Variants in NOS1AP observed in about 807,000 individuals in gnomAD.
The protein encoded by NOS1AP is carboxyl-terminal PDZ ligand of neuronal nitric oxide synthase protein.
In NOS1AP, 21 loss-of-function variants were observed where a neutral mutation model predicts 56.2. The ratio of observed to expected loss-of-function variants is 0.37; its 90% CI spans 0.26 to 0.54. The LOEUF (loss-of-function observed/expected upper bound fraction) is 0.54, where lower values mean the gene tolerates loss of function less well. Among genes scored for constraint, NOS1AP ranks in the 20% least tolerant of loss-of-function variants. The pLI, the probability that NOS1AP is intolerant of heterozygous loss-of-function variation, is 0.84. For missense variants in NOS1AP, 522 were observed against 657.8 expected (o/e 0.79, Z 2.26); for synonymous variants, 270 against 274.6 (o/e 0.98, Z 0.17).
intron 2 of NOS1AP, among the ~76,000 whole-genome samples, chr1:162,217,303 G>A (rs1396272152): frequency 7.6e-5 from 5 of 65,392 alleles, no homozygotes; most frequent in Admixed American, 2.1e-4. Flanking sequence ...TCACTCTATC[G>A]CCCAGGCTGG....
intron 8 of NOS1AP, among the ~76,000 whole-genome samples, chr1:162,357,783 G>A (rs1043926279): frequency 2.6e-5 from 4 of 151,920 alleles, no homozygotes; most frequent in South Asian, 2.1e-4. Flanking sequence ...AAACTTGTTC[G>A]GGGGCTGCTA....
At chr1:162,317,390 A>G (rs1023216223) in intron 4 of NOS1AP, 7 of 152,166 alleles carry the variant, frequency 4.6e-5, no homozygotes, top group African/African-American at 1.4e-4. Flanking sequence ...ACACACACCA[A>G]AGTTTTTTGT....
intron 2 of NOS1AP, among the ~76,000 whole-genome samples, chr1:162,187,044 A>G (rs1374392720): frequency 6.6e-6 from 1 of 151,920 alleles, no homozygotes; most frequent in Non-Finnish European, 1.5e-5. Flanking sequence ...TCGGCTCACT[A>G]CAGACTTGAC....
intron 4 of NOS1AP, among the ~76,000 whole-genome samples, chr1:162,325,649 T>C (rs538364826): frequency 2.2e-4 from 33 of 152,274 alleles, no homozygotes; most frequent in African/African-American, 7.7e-4. Context: ...CTCATTTATC[T>C]GGTCTTGAGC....
chr1:162,081,544 C>CTT (rs111534489), intron 1 of NOS1AP, among the ~76,000 whole-genome samples: 39 of 136,796 alleles, frequency 2.9e-4, no homozygotes, highest in African/African-American at 1.0e-3. Flanking sequence ...CCTTTCCCAG[C>CTT]TTTTTTTTTT....
At chr1:162,199,337 C>T (rs1310739963) in intron 2 of NOS1AP, among the ~76,000 whole-genome samples, 1 of 152,180 alleles carries the variant, frequency 6.6e-6, no homozygotes, top group Non-Finnish European at 1.5e-5. Flanking sequence ...CGGTTACGTC[C>T]TCACTGTTGT....
chr1:162,331,712 A>T (rs1360004564), intron 4 of NOS1AP, among the ~76,000 whole-genome samples: 3 of 152,218 alleles, frequency 2.0e-5, no homozygotes, highest in Non-Finnish European at 4.4e-5. Flanking sequence ...TGCAGAAATG[A>T]TGTGGCCTCT....
intron 4 of NOS1AP, among the ~76,000 whole-genome samples, chr1:162,323,186 C>T (rs1355160629): frequency 6.6e-6 from 1 of 152,184 alleles, no homozygotes; most frequent in African/African-American, 2.4e-5. Context: ...AGAGGAGACA[C>T]AGGGCAGAAT....
At chr1:162,096,381 C>G (rs1299463563) in intron 1 of NOS1AP, among the ~76,000 whole-genome samples, 2 of 152,112 alleles carry the variant, frequency 1.3e-5, no homozygotes, top group Non-Finnish European at 2.9e-5. Flanking sequence ...ACCAGTTGAA[C>G]CACCATCAGG....
intron 2 of NOS1AP, among the ~76,000 whole-genome samples, chr1:162,200,463 T>G (rs1240530454): frequency 6.6e-6 from 1 of 152,182 alleles, no homozygotes; most frequent in African/African-American, 2.4e-5. Flanking sequence ...ATGAAAATAG[T>G]TTGAACAAAA....
rs530747096 is a variant in NOS1AP, at chr1:162,072,584, A to G, written c.105+2302A>G. Among the ~76,000 whole-genome samples, 10 of 152,330 alleles carry G rather than the reference A, an allele frequency of 6.6e-5. No individual in the cohort carries two copies. In the East Asian group the frequency reaches 1.9e-3, roughly 29 times the overall value. ...TTGAGAGAGGTGAGGCAGAGAAGAAAGGACAAAAGCATACGGTAAGGGGAG... is the reference window on the plus strand; with the variant it reads ...TTGAGAGAGGTGAGGCAGAGAAGAAGGGACAAAAGCATACGGTAAGGGGAG... On this transcript the variant is annotated intron_variant, in intron 1 of 9. Transcript: ENST00000361897.
Position 162,201,530 on chromosome 1 carries a change from G to A in NOS1AP, c.177+47054G>A, listed in dbSNP as rs776747570. Among the ~76,000 whole-genome samples, 23 of 152,210 alleles carry A rather than the reference G, an allele frequency of 1.5e-4. No individual in the cohort carries two copies. In the East Asian group the frequency reaches 2.1e-3, roughly 14 times the overall value. On this transcript the variant is annotated intron_variant, in intron 2 of 9. Transcript: ENST00000361897. ...TAGGTCTTTGAGGGATTGCCACACC[G>A]TCTTCCATAATAATTAAACTAATTT...
chr1:162,119,204 C>T (rs1648099783), intron 1 of NOS1AP, among the ~76,000 whole-genome samples: 1 of 152,162 alleles, frequency 6.6e-6, no homozygotes, highest in African/African-American at 2.4e-5. Context: ...TGGATGGGAA[C>T]TCTTCCAGTA....
chr1:162,159,887 C>G (rs1650128450), intron 2 of NOS1AP, among the ~76,000 whole-genome samples: 1 of 152,132 alleles, frequency 6.6e-6, no homozygotes, highest in Admixed American at 6.5e-5. Flanking sequence ...GAGAGCTGGG[C>G]TGCAGTGCCC....
rs577554180 is a variant in NOS1AP at position 162,120,267 on chromosome 1, T to C, written c.106-34138T>C. Among the ~76,000 whole-genome samples, 5 of 152,296 alleles carry C rather than the reference T, an allele frequency of 3.3e-5. No homozygotes were observed. The East Asian group carries it at 9.6e-4, about 29-fold the overall frequency. ...GCATTATATCTTTACATTCATCAAT[T>C]TTATTTATAATAATGAAAAATGGAA... is the stretch of plus-strand genomic sequence containing the variant. On this transcript the variant is annotated intron_variant, in intron 1 of 9. Coordinates refer to ENST00000361897, the MANE Select transcript of NOS1AP (RefSeq NM_014697.3).
At chr1:162,314,056 G>A (rs1656149173) in intron 4 of NOS1AP, among the ~76,000 whole-genome samples, 1 of 152,194 alleles carries the variant, frequency 6.6e-6, no homozygotes, top group Admixed American at 6.5e-5. Context: ...AGCTGGGGCA[G>A]CCTTGATTTG....
intron 4 of NOS1AP, among the ~76,000 whole-genome samples, chr1:162,304,491 G>A (rs768976239): frequency 5.3e-5 from 8 of 151,958 alleles, no homozygotes; most frequent in African/African-American, 9.7e-5. Flanking sequence ...TATTAGTATC[G>A]TATGTCTTTT....
chr1:162,185,714 G>T (rs1041723843), intron 2 of NOS1AP, among the ~76,000 whole-genome samples: 1 of 152,148 alleles, frequency 6.6e-6, no homozygotes, highest in Admixed American at 6.5e-5. Context: ...TTCTAAAGTT[G>T]CATTTTTACA....
At chr1:162,125,745 G>A (rs1648462640) in intron 1 of NOS1AP, among the ~76,000 whole-genome samples, 2 of 151,980 alleles carry the variant, frequency 1.3e-5, no homozygotes, top group Admixed American at 1.3e-4. Flanking sequence ...GGATTGCTTT[G>A]GTTATTTGGG....
Sources: gnomAD v4.1 joint callset for allele counts (sites outside exome capture counted in the v4.1 genomes callset) on GRCh38, gnomAD v4.1.1 for gene constraint, MANE v1.5 for transcripts, NCBI Gene and HGNC (gene_info 2026-07-23, HGNC 2026-07-21) for gene names.